The following GPC6 variants were observed in gnomAD, a reference collection of about 807,000 sequenced individuals.
The protein encoded by GPC6 is glypican 6, also known as glypican-6.
A neutral mutation model predicts 55.2 loss-of-function variants in GPC6; 14 were observed. That is an observed-to-expected ratio of 0.25 (90% CI 0.17 to 0.40). GPC6 has a LOEUF of 0.40. Ranked by LOEUF, GPC6 falls within the 10% of genes least tolerant of loss-of-function variation. GPC6 has a pLI of 1.00. For synonymous variants in GPC6, 278 were observed against 259.6 expected (o/e 1.07, Z -0.68); for missense variants, 641 against 708.5 (o/e 0.90, Z 1.08).
intron 1 of GPC6, among the ~76,000 whole-genome samples, chr13:93,289,504 T>G (rs945655010): frequency 1.2e-4 from 19 of 152,172 alleles, no homozygotes; most frequent in African/African-American, 4.6e-4. Context: ...TTAAGAAAAA[T>G]AATGCAATGC....
chr13:93,970,258 A>G (rs1477596509), intron 3 of GPC6, among the ~76,000 whole-genome samples: 2 of 152,198 alleles, frequency 1.3e-5, no homozygotes, highest in Non-Finnish European at 1.5e-5. Context: ...CACGAAAAAA[A>G]TTTGGGGTGC....
intron 1 of GPC6, among the ~76,000 whole-genome samples, chr13:93,279,190 C>T (rs971372166): frequency 1.3e-5 from 2 of 152,168 alleles, no homozygotes; most frequent in East Asian, 3.9e-4. Context: ...AAGCTTCTGA[C>T]ACAGATTGCC....
intron 4 of GPC6, among the ~76,000 whole-genome samples, chr13:94,033,135 C>A (rs976892027): frequency 1.3e-5 from 2 of 152,162 alleles, no homozygotes; most frequent in African/African-American, 4.8e-5. Flanking sequence ...AGAGGCTGTT[C>A]TATTTTACTT....
At chr13:93,816,956 T>C (rs1240857093) in intron 2 of GPC6, among the ~76,000 whole-genome samples, 1 of 152,210 alleles carries the variant, frequency 6.6e-6, no homozygotes, top group Non-Finnish European at 1.5e-5. Flanking sequence ...ACCTTCCCAT[T>C]AATAGACCCT....
chr13:93,742,256 T>C (rs373182098), intron 2 of GPC6, among the ~76,000 whole-genome samples: 2 of 152,296 alleles, frequency 1.3e-5, no homozygotes, highest in East Asian at 3.9e-4. Context: ...CCAAATAAGC[T>C]CAATTTAAAT....
chr13:94,178,875 T>A (rs1888885402), intron 4 of GPC6, among the ~76,000 whole-genome samples: 1 of 152,170 alleles, frequency 6.6e-6, no homozygotes. Context: ...ATGTTATGAG[T>A]CCTCCTGCCT....
At chr13:94,350,075 T>TTGTGTGTGTGTGTG (rs367555548) in intron 6 of GPC6, among the ~76,000 whole-genome samples, 7,179 of 150,082 alleles carry the variant, frequency 0.048, 230 homozygotes, top group East Asian at 0.078. Flanking sequence ...TATATATCTT[T>TTGTGTGTGTGTGTG]TGTGTGTGTG....
At chr13:93,307,484 CAAAATACTT>C in intron 1 of GPC6, among the ~76,000 whole-genome samples, 1 of 152,166 alleles carries the variant, frequency 6.6e-6, no homozygotes, top group South Asian at 2.1e-4. Context: ...TAAAAATACT[CAAAATACTT>C]TATAAAATAG....
chr13:94,294,805 T>C (rs887940034), intron 5 of GPC6, among the ~76,000 whole-genome samples: 2 of 152,234 alleles, frequency 1.3e-5, no homozygotes, highest in Non-Finnish European at 1.5e-5. Flanking sequence ...TTTGAGCTCC[T>C]GTATTAGCAT....
chr13:93,954,251 A>G (rs1879394442), intron 3 of GPC6, among the ~76,000 whole-genome samples: 1 of 152,248 alleles, frequency 6.6e-6, no homozygotes, highest in South Asian at 2.1e-4. Context: ...CTGAAAACAT[A>G]GCAAAAGTGT....
chr13:94,113,324 C>T (rs1222031355), intron 4 of GPC6, among the ~76,000 whole-genome samples: 4 of 151,946 alleles, frequency 2.6e-5, no homozygotes. Flanking sequence ...TTTAAATGGA[C>T]CCTCAGGAGC....
chr13:93,423,818 T>C (rs969373162), intron 1 of GPC6, among the ~76,000 whole-genome samples: 2 of 152,084 alleles, frequency 1.3e-5, no homozygotes, highest in African/African-American at 2.4e-5. Context: ...AAGTGCTTCA[T>C]GTATAATATC....
intron 2 of GPC6, among the ~76,000 whole-genome samples, chr13:93,728,835 T>TGA (rs557381072): frequency 7.8e-4 from 118 of 152,218 alleles, no homozygotes; most frequent in African/African-American, 2.5e-3. Context: ...CCCAAAGTGC[T>TGA]GAGATTACAG....
At chr13:93,734,250 G>A (rs936933578) in intron 2 of GPC6, among the ~76,000 whole-genome samples, 7 of 152,074 alleles carry the variant, frequency 4.6e-5, no homozygotes, top group African/African-American at 1.4e-4. Context: ...CATTAAAATC[G>A]CTTTGAATTT....
intron 1 of GPC6, among the ~76,000 whole-genome samples, chr13:93,537,251 G>T (rs1323852876): frequency 6.6e-6 from 1 of 152,088 alleles, no homozygotes; most frequent in Non-Finnish European, 1.5e-5. Context: ...CTAAACCTTT[G>T]CTCTTCTTGC....
At chr13:94,064,244 G>A (rs1021848515) in intron 4 of GPC6, among the ~76,000 whole-genome samples, 13 of 152,264 alleles carry the variant, frequency 8.5e-5, no homozygotes, top group South Asian at 2.1e-4. Flanking sequence ...ATTTCAGTTC[G>A]TCTATCTAAA....
intron 1 of GPC6, among the ~76,000 whole-genome samples, chr13:93,315,879 T>C (rs1049042669): frequency 2.0e-5 from 3 of 152,044 alleles, no homozygotes; most frequent in Non-Finnish European, 4.4e-5. Flanking sequence ...ATGACATATA[T>C]GAGCAAGATA....
chr13:93,872,187 G>A (rs1889151187), intron 3 of GPC6, among the ~76,000 whole-genome samples: 1 of 151,920 alleles, frequency 6.6e-6, no homozygotes, highest in Non-Finnish European at 1.5e-5. Flanking sequence ...TCCTGAAGAT[G>A]TTTTGAGGTA....
chr13:93,918,094 CA>C (rs5805834), intron 3 of GPC6, among the ~76,000 whole-genome samples: 55,719 of 138,562 alleles, frequency 0.4, 10,452 homozygotes, highest in Middle Eastern at 0.53. Context: ...GAGACTCCGT[CA>C]AAAAAAAAAA....
Sources: gnomAD v4.1 joint callset for allele counts (sites outside exome capture counted in the v4.1 genomes callset) on GRCh38, gnomAD v4.1.1 for gene constraint, MANE v1.5 for transcripts, NCBI Gene and HGNC (gene_info 2026-07-23, HGNC 2026-07-21) for gene names.